DENND4C: variants seen among roughly 807,000 people sequenced by gnomAD.
The protein encoded by DENND4C is DENN domain-containing protein 4C.
A neutral mutation model predicts 203.0 loss-of-function variants in DENND4C; 108 were observed. That is an observed-to-expected ratio of 0.53 (90% confidence interval 0.46 to 0.62). DENND4C has a LOEUF of 0.62. Among genes scored for constraint, DENND4C ranks in the 20% least tolerant of loss-of-function variants. DENND4C has a pLI of 0.00. For synonymous variants in DENND4C, 871 were observed against 792.4 expected, an observed-to-expected ratio of 1.10 and a Z score of -1.67; for missense variants, 2,481 against 2,301.2, an observed-to-expected ratio of 1.08 and a Z score of -1.60.
chr9:19,356,430 T>C (rs1825411457), intron 26 of DENND4C, among the ~76,000 whole-genome samples: 1 of 152,068 alleles, frequency 6.6e-6, no homozygotes, highest in Admixed American at 6.6e-5. Context: ...TAAATGTTCC[T>C]TGCAAGGCCC....
intron 7 of DENND4C, among the ~76,000 whole-genome samples, chr9:19,298,639 A>G (rs865933271): frequency 1.3e-5 from 2 of 152,168 alleles, no homozygotes; most frequent in South Asian, 4.1e-4. Context: ...ATGCTTGGAT[A>G]TAGGAGAGAG....
chr9:19,241,851 TAAA>T (rs923122319), intron 1 of DENND4C, among the ~76,000 whole-genome samples: 4 of 145,878 alleles, frequency 2.7e-5, no homozygotes, highest in African/African-American at 1.0e-4. Flanking sequence ...GACCTCATCT[TAAA>T]AAAAAAAAGT....
chr9:19,300,943 G>A (rs1838434730), intron 9 of DENND4C, among the ~76,000 whole-genome samples: 1 of 152,212 alleles, frequency 6.6e-6, no homozygotes, highest in South Asian at 2.1e-4. Flanking sequence ...AATTTGGGAG[G>A]CTGAGGTAGG....
At chr9:19,315,051 T>A (rs1841530038) in intron 10 of DENND4C, among the ~76,000 whole-genome samples, 1 of 150,436 alleles carries the variant, frequency 6.6e-6, no homozygotes, top group Admixed American at 6.7e-5. Context: ...TCCCAGCTAC[T>A]CAGGAGGCTG....
rs1588871611 is a variant in DENND4C at position 19,299,150 on chromosome 9, T to C, written c.1108-79T>C. On this transcript the variant is annotated intron_variant, in intron 7 of 32. Coordinates refer to ENST00000434457, the MANE Select transcript of DENND4C (RefSeq NM_001330640.2). ...ATTACCTTTGATCTAAATATATAGATTTCAAAAGTAGTTTTGAAACTTATC... is the reference window on the plus strand; with the variant it reads ...ATTACCTTTGATCTAAATATATAGACTTCAAAAGTAGTTTTGAAACTTATC... 4 of 1,048,186 alleles carry C rather than the reference T, an allele frequency of 3.8e-6. No individual in the cohort carries two copies. In the East Asian group the frequency reaches 1.1e-4, roughly 28 times the overall value. The allele number at this position is 1,048,186 out of a possible 1,614,324, so 64.9% of individuals were successfully genotyped here. A position where few individuals can be genotyped will look rare whatever the true frequency, so the allele number is the denominator to read the frequency against.
intron 1 of DENND4C, among the ~76,000 whole-genome samples, chr9:19,268,563 G>A (rs1211535059): frequency 6.6e-6 from 1 of 152,092 alleles, no homozygotes; most frequent in Non-Finnish European, 1.5e-5. Context: ...GCTCATTACT[G>A]TTCTTTTCTT....
At chr9:19,291,611 A>AT (rs1335865540) in intron 5 of DENND4C, among the ~76,000 whole-genome samples, 1 of 151,716 alleles carries the variant, frequency 6.6e-6, no homozygotes, top group Non-Finnish European at 1.5e-5. Context: ...AGGGTGAGGC[A>AT]TGAGAATTGC....
At chr9:19,347,764 T>G (rs1823226485) in intron 23 of DENND4C, among the ~76,000 whole-genome samples, 2 of 152,332 alleles carry the variant, frequency 1.3e-5, no homozygotes, top group South Asian at 2.1e-4. Context: ...GTGTTTGAAG[T>G]TAATAAAAAT....
At chr9:19,282,310 T>C (rs10811162) in intron 2 of DENND4C, among the ~76,000 whole-genome samples, 80,569 of 151,114 alleles carry the variant, frequency 0.53, 21,638 homozygotes, top group South Asian at 0.66. Context: ...GGCTGGAGTG[T>C]AGTGGTATAG....
intron 22 of DENND4C, among the ~76,000 whole-genome samples, chr9:19,343,308 C>G (rs942706925): frequency 6.6e-6 from 1 of 152,136 alleles, no homozygotes; most frequent in South Asian, 2.1e-4. Context: ...GTGTATGACT[C>G]CCTTGAATTT....
Position 19,299,237 on chromosome 9 carries a change from C to A in DENND4C, c.1116C>A (p.Val372=), listed in dbSNP as rs1426745171. ...TTTTTTTTTTTTTTAAGCTGTCAGT[C>A]CATGATGCATTAATATTATCACAGC... is the stretch of plus-strand genomic sequence containing the variant. ...QRPRILVQLS[V]HDALILSQPV... is the part of the protein sequence containing the mutation. The change falls in exon 8 of 33, where the codon GTC becomes GTA. Residue 372 remains valine, a synonymous_variant. Coordinates refer to ENST00000434457, the MANE Select transcript of DENND4C (RefSeq NM_001330640.2). 8 of 1,573,142 alleles carry A rather than the reference C, an allele frequency of 5.1e-6. No homozygotes were observed. In the African/African-American group the frequency reaches 8.4e-5, roughly 16 times the overall value.
intron 1 of DENND4C, among the ~76,000 whole-genome samples, chr9:19,247,349 GGCCTTGACAT>G (rs1825541995): frequency 6.6e-6 from 1 of 152,176 alleles, no homozygotes; most frequent in African/African-American, 2.4e-5. Flanking sequence ...TCTTGACTCA[GGCCTTGACAT>G]GCCTTGACAT....
intron 10 of DENND4C, among the ~76,000 whole-genome samples, chr9:19,313,203 T>G (rs1841089745): frequency 6.6e-6 from 1 of 152,172 alleles, no homozygotes; most frequent in Admixed American, 6.5e-5. Flanking sequence ...GAACTTAAAA[T>G]TAATATTTTA....
chr9:19,313,334 A>G (rs1172900168), intron 10 of DENND4C, among the ~76,000 whole-genome samples: 4 of 152,220 alleles, frequency 2.6e-5, no homozygotes. Context: ...GATGAAATGT[A>G]GTTCATCTAC....
Position 19,280,127 on chromosome 9 carries a change from T to G in DENND4C, c.305+3648T>G, listed in dbSNP as rs549841534. On this transcript the variant is annotated intron_variant, in intron 2 of 32. Transcript: ENST00000434457. ...CTGCCTGCTTGCCTTCCTGCCTTCC[T>G]GCCTACCTGCCTGCCTTCCTCCCTT... is the stretch of plus-strand genomic sequence containing the variant. Among the ~76,000 whole-genome samples the G allele has an allele frequency of 1.9e-3, 250 of 130,878 alleles. 2 individuals carry two copies. The highest frequency in any genetic ancestry group is 5.5e-3 in the African/African-American group (191 of 34,766). 85.9% of individuals were successfully genotyped at this position (130,878 alleles called of 152,430 possible).
At chr9:19,328,665 ATCT>A (rs1563808552) in intron 16 of DENND4C, among the ~76,000 whole-genome samples, 7 of 112,198 alleles carry the variant, frequency 6.2e-5, no homozygotes, top group African/African-American at 2.7e-4. Flanking sequence ...CTGTCTATCT[ATCT>A]ATCTATCTAT....
At chr9:19,321,956 C>A (rs1001805723) in intron 12 of DENND4C, among the ~76,000 whole-genome samples, 2 of 151,878 alleles carry the variant, frequency 1.3e-5, no homozygotes, top group African/African-American at 4.8e-5. Flanking sequence ...GGGACATATC[C>A]ACTGTAAAAA....
chr9:19,246,725 TTTTG>T (rs1417915308), intron 1 of DENND4C, among the ~76,000 whole-genome samples: 1 of 152,192 alleles, frequency 6.6e-6, no homozygotes, highest in African/African-American at 2.4e-5. Context: ...ATATTTTTGT[TTTTG>T]TTTGTTTGTT....
chr9:19,288,613 T>C lies in DENND4C; in HGVS notation c.576T>C (p.Phe192=). The change falls in exon 4 of 33, where the codon TTT becomes TTC. Residue 192 remains phenylalanine, a synonymous_variant. Transcript: ENST00000434457. ...TTTTACAGTGGGGTTCCAGCGTGTTTCTGTGTTATAAGAAGTCTGTACCTG... is the reference window on the plus strand; with the variant it reads ...TTTTACAGTGGGGTTCCAGCGTGTTCCTGTGTTATAAGAAGTCTGTACCTG... ...LNCGMWGSSV[F]LCYKKSVPAS... 8.1e-7 allele frequency: 1 copy of C among 1,231,858 alleles called. No individual in the cohort carries two copies. The highest frequency in any genetic ancestry group is 1.0e-6 in the Non-Finnish European group (1 of 987,792). The allele number at this position is 1,231,858 out of a possible 1,614,324, so 76.3% of individuals were successfully genotyped here. A position where few individuals can be genotyped will look rare whatever the true frequency, so the allele number is the denominator to read the frequency against.
Sources: allele counts gnomAD v4.1 joint callset (sites outside exome capture counted in the v4.1 genomes callset), GRCh38; gene constraint gnomAD v4.1.1; transcripts MANE v1.5; gene names NCBI Gene and HGNC (gene_info 2026-07-23, HGNC 2026-07-21).